The following PCNX1 variants were observed in gnomAD, a reference collection of about 807,000 sequenced individuals.
The protein encoded by PCNX1 is pecanex-like protein 1.
A neutral mutation model predicts 242.2 loss-of-function variants in PCNX1; 78 were observed. The ratio of observed to expected loss-of-function variants is 0.32; its 90% CI spans 0.27 to 0.39. PCNX1 has a LOEUF of 0.39. Among genes scored for constraint, PCNX1 ranks in the 10% least tolerant of loss-of-function variants. The probability of loss-of-function intolerance (pLI) is 1.00; values close to 1 mark genes in which losing one functional copy is unlikely to be tolerated. For missense variants in PCNX1, 2,581 were observed against 2,856.5 expected (o/e 0.90, Z 2.20); for synonymous variants, 1,024 against 1,032.9 (o/e 0.99, Z 0.17).
chr14:70,923,889 A>G (rs979827549), intron 1 of PCNX1, among the ~76,000 whole-genome samples: 8 of 152,134 alleles, frequency 5.3e-5, no homozygotes, highest in East Asian at 1.9e-4. Context: ...ATAAATTCCT[A>G]TAAATAGGAT....
At chr14:71,020,560 G>A (rs1329880480) in intron 12 of PCNX1, among the ~76,000 whole-genome samples, 1 of 151,868 alleles carries the variant, frequency 6.6e-6, no homozygotes, top group Non-Finnish European at 1.5e-5. Flanking sequence ...CATGTTTGTC[G>A]GCCACATAAA....
intron 12 of PCNX1, among the ~76,000 whole-genome samples, chr14:71,022,076 T>C (rs1161024953): frequency 2.0e-5 from 3 of 152,186 alleles, no homozygotes; most frequent in African/African-American, 7.2e-5. Context: ...TAATTTTTCT[T>C]TCCCAATATC....
intron 8 of PCNX1, among the ~76,000 whole-genome samples, chr14:70,999,684 G>A (rs2059447801): frequency 6.6e-6 from 1 of 152,178 alleles, no homozygotes; most frequent in African/African-American, 2.4e-5. Flanking sequence ...ACTTGAAAAT[G>A]TAGTTGGCTG....
intron 2 of PCNX1, among the ~76,000 whole-genome samples, chr14:70,956,144 A>G (rs117353567): frequency 0.019 from 2,855 of 152,258 alleles, 32 homozygotes; most frequent in Non-Finnish European, 0.031. Flanking sequence ...CAAAATGTCA[A>G]TAGTACTGAG....
chr14:70,923,928 A>G (rs2056479705), intron 1 of PCNX1, among the ~76,000 whole-genome samples: 1 of 152,170 alleles, frequency 6.6e-6, no homozygotes, highest in African/African-American at 2.4e-5. Flanking sequence ...ATACTTCTGC[A>G]GTTTTGAAAG....
chr14:71,099,978 C>G (rs528228393), intron 30 of PCNX1, among the ~76,000 whole-genome samples: 1 of 152,182 alleles, frequency 6.6e-6, no homozygotes, highest in East Asian at 1.9e-4. Flanking sequence ...AGATGGGTCT[C>G]TTGAAGAGAC....
chr14:70,962,354 T>C (rs748490328), intron 3 of PCNX1, 23 bp downstream of exon 3: 5 of 1,431,366 alleles, frequency 3.5e-6, no homozygotes, highest in Admixed American at 3.3e-5. Flanking sequence ...GCTGTTTTAT[T>C]TTGCCTTTTT....
intron 30 of PCNX1, among the ~76,000 whole-genome samples, chr14:71,094,795 G>T (rs558312494): frequency 6.6e-6 from 1 of 152,294 alleles, no homozygotes; most frequent in Admixed American, 6.5e-5. Flanking sequence ...AGCCAGGCAA[G>T]GTATCGCATG....
At chr14:70,989,311 C>T (rs540447914) in intron 7 of PCNX1, among the ~76,000 whole-genome samples, 22 of 151,440 alleles carry the variant, frequency 1.5e-4, no homozygotes, top group Non-Finnish European at 2.4e-4. Context: ...ATTTTTCAAG[C>T]TCTGTATTGT....
chr14:71,018,941 C>T, intron 11 of PCNX1, 68 bp from the exon 12 acceptor site: 4 of 1,316,926 alleles, frequency 3.0e-6, no homozygotes, highest in South Asian at 1.4e-5. Flanking sequence ...GTCTTCCCTT[C>T]CCTTTTTTCC....
At chr14:70,922,446 G>A (rs1421313376) in intron 1 of PCNX1, among the ~76,000 whole-genome samples, 2 of 151,982 alleles carry the variant, frequency 1.3e-5, no homozygotes, top group African/African-American at 2.4e-5. Flanking sequence ...ACCGGTAAAT[G>A]TGAATACTAT....
chr14:71,070,525 G>A (rs1595433102), intron 26 of PCNX1, among the ~76,000 whole-genome samples: 1 of 152,208 alleles, frequency 6.6e-6, no homozygotes, highest in Non-Finnish European at 1.5e-5. Context: ...TGTTGTCTTA[G>A]CAGGCAACAC....
rs141033855 is a variant in PCNX1 at position 70,908,379 on chromosome 14, C to T, written c.153+376C>T. On this transcript the variant is annotated intron_variant, in intron 1 of 35. Coordinates refer to ENST00000304743, the MANE Select transcript of PCNX1 (RefSeq NM_014982.3). Reference sequence around the variant, plus strand: ...CGCTCTGCGGCTTTAGGGGACGCCGCATCCATCCTTGGCACGCTGGGTTCC... The same window carrying T: ...CGCTCTGCGGCTTTAGGGGACGCCGTATCCATCCTTGGCACGCTGGGTTCC... Among the ~76,000 whole-genome samples, 559 of 152,210 alleles carry T rather than the reference C, an allele frequency of 3.7e-3. 12 individuals carry two copies. The East Asian group carries it at 0.04, about 11-fold the overall frequency.
At chr14:71,091,918 G>A (rs73297507) in intron 30 of PCNX1, among the ~76,000 whole-genome samples, 2 of 152,308 alleles carry the variant, frequency 1.3e-5, no homozygotes, top group East Asian at 1.9e-4. Flanking sequence ...TGAGCAGTTC[G>A]CCTTTCCAGT....
intron 1 of PCNX1, among the ~76,000 whole-genome samples, chr14:70,935,367 C>T (rs935361553): frequency 1.3e-5 from 2 of 152,118 alleles, no homozygotes; most frequent in African/African-American, 4.8e-5. Context: ...GGCAACATAG[C>T]GAGACACTGT....
chr14:70,923,278 G>T (rs1371329697), intron 1 of PCNX1, among the ~76,000 whole-genome samples: 1 of 151,912 alleles, frequency 6.6e-6, no homozygotes, highest in Admixed American at 6.6e-5. Context: ...ACATTTACCA[G>T]TTTTCTCCAT....
chr14:70,979,194 C>T (rs529379584), intron 6 of PCNX1, among the ~76,000 whole-genome samples: 2 of 151,914 alleles, frequency 1.3e-5, no homozygotes, highest in East Asian at 1.9e-4. Context: ...TTAGGCGTTA[C>T]GAAAATACTA....
At chr14:70,995,198 T>C (rs564884809) in intron 7 of PCNX1, among the ~76,000 whole-genome samples, 1 of 152,350 alleles carries the variant, frequency 6.6e-6, no homozygotes, top group South Asian at 2.1e-4. Context: ...GTTTTCTTGC[T>C]AGTTTGTGAT....
intron 19 of PCNX1, among the ~76,000 whole-genome samples, chr14:71,040,884 G>T (rs11848070): frequency 6.6e-6 from 1 of 151,764 alleles, no homozygotes; most frequent in African/African-American, 2.4e-5. Context: ...TTCTATTTCC[G>T]TGAGTTCATT....
Sources: allele counts gnomAD v4.1 joint callset (sites outside exome capture counted in the v4.1 genomes callset), GRCh38; gene constraint gnomAD v4.1.1; transcripts MANE v1.5; gene names NCBI Gene and HGNC (gene_info 2026-07-23, HGNC 2026-07-21).